The following TMEM132D variants were observed in gnomAD, a reference collection of about 807,000 sequenced individuals.
The protein encoded by TMEM132D is transmembrane protein 132D.
TMEM132D carries 21 observed loss-of-function variants against 62.3 expected under a neutral mutation model. The ratio of observed to expected loss-of-function variants is 0.34; its 90% CI spans 0.24 to 0.49. TMEM132D has a LOEUF of 0.49. Ranked by LOEUF, TMEM132D falls within the 20% of genes least tolerant of loss-of-function variation. TMEM132D has a pLI of 0.99. For missense variants in TMEM132D, 1,346 were observed against 1,402.8 expected (o/e 0.96, Z 0.65); for synonymous variants, 621 against 575.6 (o/e 1.08, Z -1.13).
chr12:129,684,191 C>T (rs1880852529), intron 2 of TMEM132D, among the ~76,000 whole-genome samples: 1 of 152,114 alleles, frequency 6.6e-6, no homozygotes, highest in Admixed American at 6.5e-5. Context: ...CAAATCTCAT[C>T]CTGAATTATA....
At chr12:129,210,382 C>A (rs941347235) in intron 4 of TMEM132D, 1 of 152,318 alleles carries the variant, frequency 6.6e-6, no homozygotes, top group East Asian at 1.9e-4. Flanking sequence ...GGCCTCCAGA[C>A]GTGTCTGGAA....
intron 1 of TMEM132D, among the ~76,000 whole-genome samples, chr12:129,795,673 TTC>T (rs1356346403): frequency 6.6e-6 from 1 of 152,142 alleles, no homozygotes; most frequent in Non-Finnish European, 1.5e-5. Flanking sequence ...CTTACAGTTT[TTC>T]TCTCTTTACA....
chr12:129,676,584 G>A (rs1045434430), intron 2 of TMEM132D, among the ~76,000 whole-genome samples: 18 of 152,174 alleles, frequency 1.2e-4, no homozygotes, highest in Non-Finnish European at 2.1e-4. Flanking sequence ...GGAGGCACCA[G>A]ACTCTTTTAA....
At chr12:129,244,933 G>A (rs4479058) in intron 4 of TMEM132D, among the ~76,000 whole-genome samples, 38,807 of 151,980 alleles carry the variant, frequency 0.26, 5,040 homozygotes, top group African/African-American at 0.28. Context: ...GAGCCACCAC[G>A]CCCGGCCTGG....
intron 6 of TMEM132D, among the ~76,000 whole-genome samples, chr12:129,083,692 C>T (rs1285862984): frequency 6.6e-6 from 1 of 152,210 alleles, no homozygotes; most frequent in African/African-American, 2.4e-5. Context: ...CTGCTGAGTA[C>T]ACAGATTCCA....
intron 3 of TMEM132D, among the ~76,000 whole-genome samples, chr12:129,392,354 T>A (rs903847919): frequency 7.2e-5 from 11 of 152,168 alleles, no homozygotes; most frequent in Non-Finnish European, 1.6e-4. Context: ...CACCGCCCCC[T>A]GCCTGGCCTC....
chr12:129,232,674 A>G (rs1464662796), intron 4 of TMEM132D, among the ~76,000 whole-genome samples: 1 of 152,208 alleles, frequency 6.6e-6, no homozygotes, highest in African/African-American at 2.4e-5. Flanking sequence ...TCCCACTGCT[A>G]TAAAGATACT....
chr12:129,074,775 G>A lies in TMEM132D; in HGVS notation c.2400C>T (p.Asn800=), dbSNP rs775907314. Residue 800 remains asparagine (N), a synonymous_variant, in exon 9 of 9, where the codon AAC becomes AAT. Transcript: ENST00000422113. ...TGTCACTGGTGTTGGGGTTAGCATCGTTTTGGCCAAATTTAACTTTGATGT... is the reference window on the plus strand; with the variant it reads ...TGTCACTGGTGTTGGGGTTAGCATCATTTTGGCCAAATTTAACTTTGATGT... ...TANIKVKFGQ[N]DANPNTSDSR... is the part of the protein sequence containing the mutation. 66 of 1,613,950 alleles carry A rather than the reference G, an allele frequency of 4.1e-5. No homozygotes were observed. The highest frequency in any genetic ancestry group is 5.3e-5 in the Non-Finnish European group (62 of 1,180,028).
At chr12:129,798,166 C>T (rs1871622215) in intron 1 of TMEM132D, among the ~76,000 whole-genome samples, 1 of 152,192 alleles carries the variant, frequency 6.6e-6, no homozygotes, top group African/African-American at 2.4e-5. Flanking sequence ...TGAGCAGATG[C>T]CAGCACCATG....
chr12:129,256,728 T>C (rs1880410661), intron 4 of TMEM132D, among the ~76,000 whole-genome samples: 1 of 152,132 alleles, frequency 6.6e-6, no homozygotes. Context: ...AGCTAATTTT[T>C]GTATTTTTAG....
At chr12:129,862,391 C>T (rs947140910) in intron 1 of TMEM132D, among the ~76,000 whole-genome samples, 1 of 152,204 alleles carries the variant, frequency 6.6e-6, no homozygotes, top group African/African-American at 2.4e-5. Flanking sequence ...GAGCCAAGAG[C>T]GAAGGCGTTT....
rs543883811 is a variant in TMEM132D at position 129,512,261 on chromosome 12, G to A, written c.1115+18798C>T. Among the ~76,000 whole-genome samples the A allele has an allele frequency of 3.9e-5, 6 of 152,256 alleles. No individual in the cohort carries two copies. In the East Asian group the frequency reaches 1.2e-3, roughly 29 times the overall value. Reference sequence around the variant, plus strand: ...CACCTGAATTGCAGCAACAGGATTGGCCCAGGGAGAGGCACAGGACAAAGG... The same window carrying A: ...CACCTGAATTGCAGCAACAGGATTGACCCAGGGAGAGGCACAGGACAAAGG... On this transcript the variant is annotated intron_variant, in intron 3 of 8. Transcript: ENST00000422113.
chr12:129,544,532 C>T (rs928675794), intron 2 of TMEM132D, among the ~76,000 whole-genome samples: 2 of 152,298 alleles, frequency 1.3e-5, no homozygotes, highest in South Asian at 4.1e-4. Context: ...TCTGCCTTCT[C>T]ATGCACCAGT....
Position 129,196,436 on chromosome 12 carries a change from T to C in TMEM132D, c.1443+13084A>G, listed in dbSNP as rs539476476. 2.0e-4 allele frequency among the ~76,000 whole-genome samples: 31 copies of C among 152,304 alleles called. No homozygotes were observed. The South Asian group carries it at 6.0e-3, about 30-fold the overall frequency. ...TATAAATGTTCTCCAAAATCCTTTA[T>C]ATAAATTCTATGTAAGTGGGGTAGC... is the stretch of plus-strand genomic sequence containing the variant. On this transcript the variant is annotated intron_variant, in intron 5 of 8. Coordinates refer to ENST00000422113, the MANE Select transcript of TMEM132D (RefSeq NM_133448.3).
intron 3 of TMEM132D, chr12:129,522,823 G>A (rs757020507): frequency 1.3e-5 from 2 of 151,880 alleles, no homozygotes; most frequent in Non-Finnish European, 2.9e-5. Flanking sequence ...ATAGATATTG[G>A]TATGGATAAG....
At chr12:129,798,977 G>A (rs901514491) in intron 1 of TMEM132D, among the ~76,000 whole-genome samples, 1 of 152,204 alleles carries the variant, frequency 6.6e-6, no homozygotes, top group Non-Finnish European at 1.5e-5. Context: ...ATAAAAATAT[G>A]GATGTCGGCC....
intron 2 of TMEM132D, among the ~76,000 whole-genome samples, chr12:129,679,666 T>C (rs1880731318): frequency 6.6e-6 from 1 of 152,174 alleles, no homozygotes; most frequent in South Asian, 2.1e-4. Context: ...GTTTCAGTTT[T>C]TCTTTGGCAC....
At chr12:129,417,887 A>G (rs965055843) in intron 3 of TMEM132D, among the ~76,000 whole-genome samples, 1 of 152,228 alleles carries the variant, frequency 6.6e-6, no homozygotes, top group Admixed American at 6.5e-5. Flanking sequence ...ACAATAGGCA[A>G]AGGATATGAA....
rs374559590 is a variant in TMEM132D, at chr12:129,577,329, T to C, written c.969-46124A>G. ...GCAGTGTATGCTGCAGTTAACTTTA[T>C]GCAGTTGTGATATGTATTTCTATGT... is the stretch of plus-strand genomic sequence containing the variant. On this transcript the variant is annotated intron_variant, in intron 2 of 8. Transcript: ENST00000422113. Among the ~76,000 whole-genome samples the C allele has an allele frequency of 1.4e-3, 212 of 151,650 alleles. 6 individuals are homozygous for C. The highest frequency in any genetic ancestry group is 4.8e-3 in the African/African-American group (196 of 41,134).
Sources: allele counts gnomAD v4.1 joint callset (sites outside exome capture counted in the v4.1 genomes callset), GRCh38; gene constraint gnomAD v4.1.1; transcripts MANE v1.5; gene names NCBI Gene and HGNC (gene_info 2026-07-23, HGNC 2026-07-21).